NUP43: variants seen among roughly 807,000 people sequenced by gnomAD.
NUP43 encodes the protein nucleoporin Nup43.
Under a neutral mutation model 47.3 loss-of-function variants are expected in NUP43, and 32 were observed. The observed-to-expected ratio is 0.68, with a 90% CI of 0.51 to 0.91. The LOEUF (loss-of-function observed/expected upper bound fraction) is 0.91. Ranked by LOEUF, NUP43 falls within the 40% of genes least tolerant of loss-of-function variation. NUP43 has a pLI of 0.00. For missense variants in NUP43, 444 were observed against 453.9 expected (o/e 0.98, Z 0.20); for synonymous variants, 147 against 158.4 (o/e 0.93, Z 0.54).
intron 3 of NUP43, among the ~76,000 whole-genome samples, chr6:149,743,300 T>C (rs1785767015): frequency 6.6e-6 from 1 of 152,012 alleles, no homozygotes. Context: ...GGCATGTCTA[T>C]TAGAAAAGGT....
At chr6:149,729,812 C>T (rs1316339220) in intron 7 of NUP43, among the ~76,000 whole-genome samples, 1 of 152,052 alleles carries the variant, frequency 6.6e-6, no homozygotes, top group Non-Finnish European at 1.5e-5. Context: ...CGTCCTAACA[C>T]CTAGAAGAAT....
chr6:149,730,774 A>T (rs1462594222), intron 7 of NUP43, among the ~76,000 whole-genome samples: 2 of 151,330 alleles, frequency 1.3e-5, no homozygotes, highest in Non-Finnish European at 2.9e-5. Context: ...CTACAAAAAA[A>T]TTAAAAAAAA....
Position 149,746,061 on chromosome 6 carries a change from T to G in NUP43, c.122A>C (p.Glu41Ala). 3 of 1,611,378 alleles carry G rather than the reference T, an allele frequency of 1.9e-6. No individual in the cohort carries two copies. Among genetic ancestry groups the G allele is most frequent in the Non-Finnish European group, 2.5e-6 (3 of 1,179,492 alleles). The change falls in exon 2 of 8, where the codon GAA becomes GCA. Residue 41 changes from glutamate to alanine, a missense_variant and splice_region_variant. Glu to Ala is a moderately radical substitution (Grantham distance 107). Coordinates refer to ENST00000340413, the MANE Select transcript of NUP43 (RefSeq NM_198887.3). ...AATAGACCACAGTGAAATATAATTT[T>G]CCTGTAAAACAGAAAGTTTTGTCTT... is the stretch of plus-strand genomic sequence containing the variant. ...TFATGSWDNE[E>A]NYISLWSIGD...
At chr6:149,746,290 G>A in intron 1 of NUP43, 86 bp downstream of exon 1, 2 of 1,552,144 alleles carry the variant, frequency 1.3e-6, no homozygotes, top group South Asian at 1.2e-5. Flanking sequence ...AGAACCAGAA[G>A]GTGGGAGTTG....
chr6:149,746,054 A>G lies in NUP43; in HGVS notation c.129T>C (p.Tyr43=), dbSNP rs757983231. ...ATGSWDNEEN[Y]ISLWSIGDFG... ...AATCTCCAATAGACCACAGTGAAAT[A>G]TAATTTTCCTGTAAAACAGAAAGTT... Residue 43 remains tyrosine, a synonymous_variant, in exon 2 of 8, where the codon TAT becomes TAC. Transcript: ENST00000340413. 1.2e-6 allele frequency: 2 copies of G among 1,612,642 alleles called. No homozygotes were observed. Among genetic ancestry groups the G allele is most frequent in the South Asian group, 2.2e-5 (2 of 90,742 alleles).
At chr6:149,733,340 G>A (rs1291782196) in intron 6 of NUP43, among the ~76,000 whole-genome samples, 1 of 152,066 alleles carries the variant, frequency 6.6e-6, no homozygotes, top group Non-Finnish European at 1.5e-5. Context: ...TTTTTTATTT[G>A]TTGATTATTT....
At chr6:149,743,811 C>T in intron 2 of NUP43, 96 bp from the exon 3 acceptor site, 1 of 676,060 alleles carries the variant, frequency 1.5e-6, no homozygotes, top group East Asian at 2.9e-5. Context: ...AATCTTATAA[C>T]AATTTTAAAA....
chr6:149,742,393 T>C lies in NUP43; in HGVS notation c.499A>G (p.Ile167Val), dbSNP rs1423664336. The change falls in exon 4 of 8, where the codon ATA becomes GTA. Residue 167 changes from isoleucine (I) to valine (V), a missense_variant. Transcript: ENST00000340413. The stretch of plus-strand genomic sequence containing the variant: ...GCCAGGCTGGGATTTTTCTTACCTA[T>C]GGTTCTTACAGCTTCCTTGTGATCA... ...RADHKEAVRT[I>V]DNADSSTLHA... The C allele has an allele frequency of 6.2e-7, 1 of 1,613,910 alleles. No individual in the cohort carries two copies. The highest frequency in any genetic ancestry group is 1.1e-5 in the South Asian group (1 of 91,076).
At chr6:149,729,751 T>C (rs181602343) in intron 7 of NUP43, among the ~76,000 whole-genome samples, 6 of 152,278 alleles carry the variant, frequency 3.9e-5, no homozygotes, top group African/African-American at 1.2e-4. Flanking sequence ...TTTTTAACTA[T>C]TAGAATATTT....
intron 6 of NUP43, among the ~76,000 whole-genome samples, chr6:149,732,955 T>C (rs185717709): frequency 5.5e-4 from 84 of 152,264 alleles, no homozygotes; most frequent in African/African-American, 2.0e-3. Context: ...TTTTGCTATG[T>C]TGTCTACCTT....
At chr6:149,727,696 G>A (rs897190084) in intron 7 of NUP43, 17 of 919,754 alleles carry the variant, frequency 1.8e-5, no homozygotes, top group African/African-American at 1.4e-4. Flanking sequence ...AAATATAATC[G>A]CCTTACCTCA....
chr6:149,746,679 C>G, upstream of NUP43: 1 of 1,546,202 alleles, frequency 6.5e-7, no homozygotes, highest in Non-Finnish European at 8.7e-7. Context: ...GCCCACCCAT[C>G]TCACAGAGCA....
chr6:149,738,271 G>GA (rs1300647015), intron 5 of NUP43, among the ~76,000 whole-genome samples: 8 of 151,824 alleles, frequency 5.3e-5, no homozygotes, highest in Non-Finnish European at 4.4e-5. Context: ...ATTTTCTTAC[G>GA]AGAGAACGTT....
chr6:149,725,901 C>A lies in NUP43; in HGVS notation c.*1068G>T, dbSNP rs1784773819. The A allele has an allele frequency of 6.6e-6, 1 of 152,138 alleles. No homozygotes were observed. The highest frequency in any genetic ancestry group is 1.5e-5 in the Non-Finnish European group (1 of 68,028). The allele number at this position is 152,138 out of a possible 1,614,324, so 9.4% of individuals were successfully genotyped here. ...GCAAAATTCTTTACTCTGATCATAT[C>A]ATTTGATTAATCACACTTTTATCTA... On this transcript the variant is annotated 3_prime_UTR_variant, in exon 8 of 8. Coordinates refer to ENST00000340413, the MANE Select transcript of NUP43 (RefSeq NM_198887.3).
chr6:149,742,348 G>T, intron 4 of NUP43, 42 bp downstream of exon 4: 1 of 1,581,320 alleles, frequency 6.3e-7, no homozygotes, highest in Non-Finnish European at 8.7e-7. Flanking sequence ...TTTTAGAAGA[G>T]ACTAGGTTTC....
chr6:149,730,886 T>C (rs1193834902), intron 7 of NUP43, among the ~76,000 whole-genome samples: 2 of 151,836 alleles, frequency 1.3e-5, no homozygotes, highest in Non-Finnish European at 2.9e-5. Context: ...TGTAGCGAGC[T>C]GTGATCATGC....
At chr6:149,727,236 T>C (rs1329663488) in intron 7 of NUP43, 38 bp from the exon 8 acceptor site, 2 of 1,584,714 alleles carry the variant, frequency 1.3e-6, no homozygotes, top group Non-Finnish European at 1.7e-6. Context: ...TCTTTCAAGA[T>C]GATTTTTATA....
chr6:149,743,700 T>C lies in NUP43; in HGVS notation c.259A>G (p.Arg87Gly), dbSNP rs757715166. ...CCTGTTGATGAAGCAGCGACAATTC[T>C]TTCCTGGTCAAAAAACTAAAGAGAA... The part of the protein sequence containing the change: ...VMDLQFFDQE[R>G]IVAASSTGCV... The change falls in exon 3 of 8, where the codon AGA becomes GGA. Residue 87 changes from arginine (R) to glycine (G), a missense_variant. Transcript: ENST00000340413. 6.2e-7 allele frequency: 1 copy of C among 1,609,492 alleles called. No homozygotes were observed. The highest frequency in any genetic ancestry group is 1.1e-5 in the South Asian group (1 of 90,172).
chr6:149,730,212 T>C (rs1784964392), intron 7 of NUP43, among the ~76,000 whole-genome samples: 1 of 151,600 alleles, frequency 6.6e-6, no homozygotes, highest in Admixed American at 6.6e-5. Flanking sequence ...TTTCTCCATG[T>C]TGGTCAGGCT....
Sources: gnomAD v4.1 joint callset for allele counts (sites outside exome capture counted in the v4.1 genomes callset) on GRCh38, gnomAD v4.1.1 for gene constraint, MANE v1.5 for transcripts, NCBI Gene and HGNC (gene_info 2026-07-23, HGNC 2026-07-21) for gene names.